PTPRD: variants seen among roughly 807,000 people sequenced by gnomAD.
PTPRD encodes receptor-type tyrosine-protein phosphatase delta.
A neutral mutation model predicts 214.5 loss-of-function variants in PTPRD; 34 were observed. The ratio of observed to expected loss-of-function variants is 0.16; its 90% CI spans 0.12 to 0.21. The LOEUF (loss-of-function observed/expected upper bound fraction) is 0.21. Ranked by LOEUF, PTPRD falls within the 10% of genes least tolerant of loss-of-function variation. PTPRD has a pLI of 1.00. For missense variants in PTPRD, 2,545 were observed against 2,398.7 expected (o/e 1.06, Z -1.27); for synonymous variants, 1,128 against 845.7 (o/e 1.33, Z -5.79).
chr9:9,999,819 G>C (rs930956223), intron 4 of PTPRD, among the ~76,000 whole-genome samples: 3 of 152,160 alleles, frequency 2.0e-5, no homozygotes, highest in African/African-American at 7.2e-5. Flanking sequence ...TTTTACCGAA[G>C]GTTGCTAATG....
intron 12 of PTPRD, among the ~76,000 whole-genome samples, chr9:8,706,309 T>C (rs2098207353): frequency 6.6e-6 from 1 of 152,206 alleles, no homozygotes; most frequent in South Asian, 2.1e-4. Flanking sequence ...AACAACTTCT[T>C]ACCGCTTTAC....
At chr9:9,272,951 G>A (rs1224157693) in intron 9 of PTPRD, among the ~76,000 whole-genome samples, 1 of 151,252 alleles carries the variant, frequency 6.6e-6, no homozygotes. Flanking sequence ...ATTAGATAGC[G>A]CTATATGCCT....
chr9:9,554,520 G>A (rs955219364), intron 8 of PTPRD, among the ~76,000 whole-genome samples: 5 of 151,776 alleles, frequency 3.3e-5, no homozygotes, highest in African/African-American at 1.2e-4. Context: ...ATACTGTAGG[G>A]TTAAATATCT....
At chr9:10,517,188 C>T (rs2050424379) in intron 2 of PTPRD, among the ~76,000 whole-genome samples, 2 of 151,856 alleles carry the variant, frequency 1.3e-5, no homozygotes, top group African/African-American at 2.4e-5. Flanking sequence ...ATCCAGTATC[C>T]CAATTCATGA....
In PTPRD at chr9:10,019,714, G is replaced by T. The variant is rs190962795; in HGVS notation, c.-472+14004C>A. Among the ~76,000 whole-genome samples the T allele has an allele frequency of 2.7e-4, 41 of 151,820 alleles. No individual in the cohort carries two copies. In the East Asian group the frequency reaches 7.6e-3, roughly 28 times the overall value. ...ACACCGCATGTTCTCACTCATAGGTGGGAATTGAACAATGAGAACACACGG... is the reference window on the plus strand; with the variant it reads ...ACACCGCATGTTCTCACTCATAGGTTGGAATTGAACAATGAGAACACACGG... On this transcript the variant is annotated intron_variant, in intron 4 of 45. Transcript: ENST00000381196.
At chr9:8,785,108 A>G (rs2095884282) in intron 11 of PTPRD, among the ~76,000 whole-genome samples, 1 of 152,196 alleles carries the variant, frequency 6.6e-6, no homozygotes, top group Non-Finnish European at 1.5e-5. Flanking sequence ...AATAGAAACA[A>G]CAAGGCCTCC....
At chr9:9,888,350 G>A (rs1212096545) in intron 5 of PTPRD, among the ~76,000 whole-genome samples, 3 of 152,144 alleles carry the variant, frequency 2.0e-5, no homozygotes, top group Admixed American at 6.6e-5. Flanking sequence ...ACAAGATATA[G>A]AGGACTACTG....
chr9:10,353,796 G>T (rs2097221478), intron 2 of PTPRD, among the ~76,000 whole-genome samples: 1 of 151,822 alleles, frequency 6.6e-6, no homozygotes, highest in African/African-American at 2.4e-5. Flanking sequence ...AAAGGCGTTG[G>T]AATAATTTAT....
intron 7 of PTPRD, among the ~76,000 whole-genome samples, chr9:9,676,026 C>T (rs999582708): frequency 1.3e-5 from 2 of 152,030 alleles, no homozygotes; most frequent in African/African-American, 4.8e-5. Context: ...ATACAAATAT[C>T]ATTTATCACA....
At chr9:9,531,628 G>T (rs1025071414) in intron 8 of PTPRD, among the ~76,000 whole-genome samples, 10 of 151,988 alleles carry the variant, frequency 6.6e-5, no homozygotes, top group Non-Finnish European at 1.2e-4. Flanking sequence ...AGTACTCCTC[G>T]CACAGATTAT....
chr9:9,419,134 C>CAT (rs917148263), intron 8 of PTPRD, among the ~76,000 whole-genome samples: 4 of 149,692 alleles, frequency 2.7e-5, no homozygotes, highest in African/African-American at 9.8e-5. Context: ...CTTATACACA[C>CAT]ACACACACAC....
intron 10 of PTPRD, among the ~76,000 whole-genome samples, chr9:9,026,360 G>C (rs1419914040): frequency 1.3e-5 from 2 of 151,930 alleles, no homozygotes. Context: ...CCAGATGTTA[G>C]ATTATGTAAG....
At chr9:10,470,290 G>A (rs1299890495) in intron 2 of PTPRD, among the ~76,000 whole-genome samples, 1 of 151,862 alleles carries the variant, frequency 6.6e-6, no homozygotes, top group Non-Finnish European at 1.5e-5. Flanking sequence ...AAAAAATAAA[G>A]CTCAGGGAAC....
At chr9:10,281,294 C>G (rs146427963) in intron 3 of PTPRD, among the ~76,000 whole-genome samples, 1 of 151,788 alleles carries the variant, frequency 6.6e-6, no homozygotes, top group Admixed American at 6.6e-5. Context: ...AATGTAGATA[C>G]CAAAAATTAT....
intron 9 of PTPRD, among the ~76,000 whole-genome samples, chr9:9,210,193 T>G (rs1463737833): frequency 6.6e-6 from 1 of 152,196 alleles, no homozygotes; most frequent in Non-Finnish European, 1.5e-5. Flanking sequence ...CCAGCATCTC[T>G]GCTCACTAGA....
chr9:9,632,407 G>A (rs544098212), intron 7 of PTPRD, among the ~76,000 whole-genome samples: 1 of 152,282 alleles, frequency 6.6e-6, no homozygotes, highest in Admixed American at 6.5e-5. Context: ...CAGAGTTGGG[G>A]AGGAGAGAAT....
chr9:10,165,007 A>G (rs995945837), intron 3 of PTPRD, among the ~76,000 whole-genome samples: 8 of 151,688 alleles, frequency 5.3e-5, no homozygotes, highest in African/African-American at 1.9e-4. Context: ...GGGGAAGAAA[A>G]TTGCCTCATC....
chr9:8,606,253 A>ACC (rs2095205903), intron 14 of PTPRD, among the ~76,000 whole-genome samples: 1 of 151,914 alleles, frequency 6.6e-6, no homozygotes, highest in African/African-American at 2.4e-5. Flanking sequence ...ACACACACAC[A>ACC]CCCCCTCACA....
intron 2 of PTPRD, among the ~76,000 whole-genome samples, chr9:10,366,820 C>G (rs1465647907): frequency 6.6e-6 from 1 of 152,098 alleles, no homozygotes; most frequent in Non-Finnish European, 1.5e-5. Context: ...CATAATTCTC[C>G]TTGGCAAAAC....
Sources: allele counts gnomAD v4.1 joint callset (sites outside exome capture counted in the v4.1 genomes callset), GRCh38; gene constraint gnomAD v4.1.1; transcripts MANE v1.5; gene names NCBI Gene and HGNC (gene_info 2026-07-23, HGNC 2026-07-21).